ZCCHC7: variants seen among roughly 807,000 people sequenced by gnomAD.
The protein encoded by ZCCHC7 is zinc finger CCHC-type containing 7.
A neutral mutation model predicts 52.0 loss-of-function variants in ZCCHC7; 35 were observed. The ratio of observed to expected loss-of-function variants is 0.67; its 90% CI spans 0.51 to 0.89. The LOEUF is 0.89. Ranked by LOEUF, ZCCHC7 falls within the 40% of genes least tolerant of loss-of-function variation. The probability of loss-of-function intolerance (pLI) is 0.00; values close to 1 mark genes in which losing one functional copy is unlikely to be tolerated. For synonymous variants in ZCCHC7, 217 were observed against 221.5 expected (o/e 0.98, Z 0.18); for missense variants, 574 against 649.1 (o/e 0.88, Z 1.26).
intron 2 of ZCCHC7, among the ~76,000 whole-genome samples, chr9:37,297,185 CTTG>C (rs536107496): frequency 2.5e-3 from 383 of 152,200 alleles, no homozygotes; most frequent in Middle Eastern, 0.024. Context: ...TTTTTAAAAG[CTTG>C]TTGTTAATTA....
intron 2 of ZCCHC7, among the ~76,000 whole-genome samples, chr9:37,192,716 C>T (rs1309018633): frequency 1.3e-5 from 2 of 152,152 alleles, no homozygotes; most frequent in Non-Finnish European, 1.5e-5. Context: ...ATCTGTACGG[C>T]AGTCCTTCAA....
intron 6 of ZCCHC7, among the ~76,000 whole-genome samples, chr9:37,344,558 C>T (rs1039070558): frequency 6.6e-6 from 1 of 152,148 alleles, no homozygotes; most frequent in Non-Finnish European, 1.5e-5. Context: ...CCATGCCTTA[C>T]GCCAAGAGTG....
intron 2 of ZCCHC7, among the ~76,000 whole-genome samples, chr9:37,190,881 G>A (rs1377415304): frequency 6.6e-6 from 1 of 152,100 alleles, no homozygotes; most frequent in Non-Finnish European, 1.5e-5. Flanking sequence ...AATTAGCTGG[G>A]CGTGGTGGTG....
At chr9:37,284,377 G>A (rs575547825) in intron 2 of ZCCHC7, 2 of 152,250 alleles carry the variant, frequency 1.3e-5, no homozygotes, top group African/African-American at 2.4e-5. Context: ...ACATATTTAT[G>A]TGTGTTTATA....
At chr9:37,205,610 A>G (rs1823863978) in intron 2 of ZCCHC7, among the ~76,000 whole-genome samples, 1 of 152,212 alleles carries the variant, frequency 6.6e-6, no homozygotes, top group Non-Finnish European at 1.5e-5. Context: ...TCCACCTCTC[A>G]GGTTCAAGCA....
At chr9:37,336,236 T>G (rs1830647192) in intron 6 of ZCCHC7, among the ~76,000 whole-genome samples, 1 of 152,186 alleles carries the variant, frequency 6.6e-6, no homozygotes, top group Non-Finnish European at 1.5e-5. Context: ...CTTCCAGCTG[T>G]ATTCTCAGAT....
chr9:37,199,498 A>C (rs111455794), intron 2 of ZCCHC7, among the ~76,000 whole-genome samples: 1 of 150,362 alleles, frequency 6.7e-6, no homozygotes, highest in Non-Finnish European at 1.5e-5. Flanking sequence ...CGCCCAGTTA[A>C]TTTTTTGTAA....
intron 5 of ZCCHC7, among the ~76,000 whole-genome samples, chr9:37,319,477 G>C (rs1829966836): frequency 6.6e-6 from 1 of 152,112 alleles, no homozygotes; most frequent in Non-Finnish European, 1.5e-5. Flanking sequence ...CCCCAGGCTG[G>C]AGTGTAGTGG....
At chr9:37,186,735 C>G (rs977242532) in intron 2 of ZCCHC7, 39 of 581,948 alleles carry the variant, frequency 6.7e-5, no homozygotes, top group Non-Finnish European at 1.1e-4. Flanking sequence ...TCTTTATGAA[C>G]TAACAAGATG....
At chr9:37,187,027 G>A (rs1190909735) in intron 2 of ZCCHC7, 1 of 206,582 alleles carries the variant, frequency 4.8e-6, no homozygotes, top group Non-Finnish European at 9.7e-6. Context: ...TTTTCTTTGT[G>A]TATAACAAAT....
At chr9:37,180,645 CAT>C (rs1375418760) in intron 2 of ZCCHC7, among the ~76,000 whole-genome samples, 1 of 152,046 alleles carries the variant, frequency 6.6e-6, no homozygotes, top group Non-Finnish European at 1.5e-5. Context: ...ATAAAGCAAA[CAT>C]AAATATTGGC....
intron 2 of ZCCHC7, among the ~76,000 whole-genome samples, chr9:37,293,072 AT>A (rs1828613790): frequency 6.6e-6 from 1 of 152,186 alleles, no homozygotes; most frequent in Admixed American, 6.5e-5. Flanking sequence ...GGGAGAAGGT[AT>A]TTATGCCCAT....
chr9:37,130,725 T>C (rs1038584889), intron 2 of ZCCHC7, among the ~76,000 whole-genome samples: 3 of 151,718 alleles, frequency 2.0e-5, no homozygotes, highest in African/African-American at 7.3e-5. Flanking sequence ...CGCGATCTCC[T>C]GACCTCGTGA....
chr9:37,336,128 A>C (rs1487032542), intron 6 of ZCCHC7, among the ~76,000 whole-genome samples: 2 of 152,128 alleles, frequency 1.3e-5, no homozygotes, highest in African/African-American at 4.8e-5. Flanking sequence ...TTTGCACTTT[A>C]GGTAAAACTA....
chr9:37,312,848 A>G (rs555264424), intron 5 of ZCCHC7, among the ~76,000 whole-genome samples: 158 of 152,378 alleles, frequency 1.0e-3, no homozygotes, highest in African/African-American at 3.6e-3. Flanking sequence ...ACTTATTTGA[A>G]GAGAAACCAC....
intron 2 of ZCCHC7, among the ~76,000 whole-genome samples, chr9:37,220,204 C>T (rs745981558): frequency 3.3e-5 from 5 of 152,118 alleles, no homozygotes; most frequent in Admixed American, 2.0e-4. Flanking sequence ...TTTCAGGGAT[C>T]TTATATTCTG....
chr9:37,163,779 G>A (rs1821248929), intron 2 of ZCCHC7, among the ~76,000 whole-genome samples: 1 of 152,152 alleles, frequency 6.6e-6, no homozygotes, highest in South Asian at 2.1e-4. Flanking sequence ...GATAATTTCT[G>A]TATGTTCTCT....
intron 2 of ZCCHC7, among the ~76,000 whole-genome samples, chr9:37,171,885 G>GA (rs142391103): frequency 6.6e-6 from 1 of 152,054 alleles, no homozygotes; most frequent in Non-Finnish European, 1.5e-5. Context: ...TTTTCAGATG[G>GA]AAAAAATTAT....
chr9:37,331,686 G>A (rs1830456257), intron 6 of ZCCHC7, among the ~76,000 whole-genome samples: 1 of 151,602 alleles, frequency 6.6e-6, no homozygotes, highest in Admixed American at 6.6e-5. Flanking sequence ...AACTTAAAAT[G>A]TGAAATGAAG....
Sources: allele counts gnomAD v4.1 joint callset (sites outside exome capture counted in the v4.1 genomes callset), GRCh38; gene constraint gnomAD v4.1.1; transcripts MANE v1.5; gene names NCBI Gene and HGNC (gene_info 2026-07-23, HGNC 2026-07-21).